CASP1: variants seen among roughly 807,000 people sequenced by gnomAD.
CASP1 encodes caspase 1, also known as caspase-1.
CASP1 carries 31 observed loss-of-function variants against 41.2 expected under a neutral mutation model. The observed-to-expected ratio is 0.75, with a 90% confidence interval of 0.57 to 1.02. The LOEUF (loss-of-function observed/expected upper bound fraction) is 1.02. Ranked by LOEUF, CASP1 falls within the 50% of genes least tolerant of loss-of-function variation. The pLI, the probability that CASP1 is intolerant of heterozygous loss-of-function variation, is 0.00. For synonymous variants in CASP1, 163 were observed against 166.5 expected (o/e 0.98, Z 0.16); for missense variants, 490 against 495.7 (o/e 0.99, Z 0.11).
At chr11:105,033,969 G>A in intron 2 of CASP1, 3 of 795,118 alleles carry the variant, frequency 3.8e-6, no homozygotes, top group Non-Finnish European at 6.7e-6. Context: ...CTTCAGTAAA[G>A]GAGCTACCAC....
rs185109840 is a variant in CASP1 at position 105,033,838 on chromosome 11, C to T, written c.274+370G>A. 1.1e-3 allele frequency: 615 copies of T among 556,920 alleles called. 4 individuals carry two copies. The highest frequency in any genetic ancestry group is 1.4e-3 in the Non-Finnish European group (407 of 294,272). 34.5% of individuals were successfully genotyped at this position (556,920 alleles called of 1,614,324 possible). A position where few individuals can be genotyped will look rare whatever the true frequency, so the allele number is the denominator to read the frequency against. On this transcript the variant is annotated intron_variant, in intron 2 of 8. Coordinates refer to ENST00000533400, the MANE Select transcript of CASP1 (RefSeq NM_001257118.3). ...AACCTTAAAGCTTCATGTGACTTTA[C>T]AACTACATAAGTGCCTACAGACCCC...
In CASP1 at chr11:105,029,317, G is replaced by A. The variant is rs1354587319; in HGVS notation, c.863-50C>T. Reference sequence around the variant, plus strand: ...TACTACTACCAATGGCTGAGAAGATGTTTTCCTCCTAGCCTCTGTTCAATG... The same window carrying A: ...TACTACTACCAATGGCTGAGAAGATATTTTCCTCCTAGCCTCTGTTCAATG... On this transcript the variant is annotated intron_variant, in intron 6 of 8. Transcript: ENST00000533400. 3.9e-6 allele frequency: 6 copies of A among 1,526,434 alleles called. No homozygotes were observed. The African/African-American group carries it at 4.1e-5, about 11-fold the overall frequency. 94.6% of individuals were successfully genotyped at this position (1,526,434 alleles called of 1,614,324 possible). A position where few individuals can be genotyped will look rare whatever the true frequency, so the allele number is the denominator to read the frequency against.
chr11:105,028,074 C>T (rs1351119574), intron 7 of CASP1, among the ~76,000 whole-genome samples: 2 of 151,974 alleles, frequency 1.3e-5, no homozygotes, highest in Non-Finnish European at 2.9e-5. Context: ...AGGATACTAA[C>T]GAACAGTTCT....
At chr11:105,028,065 G>C (rs484626) in intron 7 of CASP1, among the ~76,000 whole-genome samples, 14,420 of 152,074 alleles carry the variant, frequency 0.095, 979 homozygotes, top group Admixed American at 0.21. Context: ...TGGGATCAAA[G>C]GATACTAACG....
At chr11:105,028,425 T>C (rs554144595) in intron 7 of CASP1, among the ~76,000 whole-genome samples, 1 of 152,258 alleles carries the variant, frequency 6.6e-6, no homozygotes, top group African/African-American at 2.4e-5. Flanking sequence ...TTATCAAATA[T>C]ATACATTTTA....
intron 3 of CASP1, 105 bp downstream of exon 3, chr11:105,032,959 T>A (rs1863786824): frequency 1.4e-6 from 1 of 703,826 alleles, no homozygotes. Context: ...ATATGACCAA[T>A]CTATGAGAAT....
chr11:105,030,600 A>G, intron 4 of CASP1, 97 bp from the exon 5 acceptor site: 1 of 1,019,948 alleles, frequency 9.8e-7, no homozygotes, highest in South Asian at 1.5e-5. Flanking sequence ...AGTCCTATCA[A>G]GATACCAAAC....
At chr11:105,029,363 T>C in intron 6 of CASP1, 96 bp from the exon 7 acceptor site, 1 of 1,035,968 alleles carries the variant, frequency 9.7e-7, no homozygotes, top group Non-Finnish European at 1.4e-6. Flanking sequence ...ATGTGTTTGC[T>C]CTATCATTAA....
rs545894907 is a variant in CASP1, at chr11:105,034,769, C to T, written c.8-295G>A. On this transcript the variant is annotated intron_variant, in intron 1 of 8. Transcript: ENST00000533400. ...AACTCTGGTTAATAAAGTAATGAAG[C>T]AGAAATAGCCCATTTCATTTAGGAA... The T allele has an allele frequency of 3.8e-5, 23 of 602,124 alleles. No homozygotes were observed. The African/African-American group carries it at 4.3e-4, about 11-fold the overall frequency. The allele number at this position is 602,124 out of a possible 1,614,324, so 37.3% of individuals were successfully genotyped here. A position where few individuals can be genotyped will look rare whatever the true frequency, so the allele number is the denominator to read the frequency against.
At chr11:105,034,064 C>A in intron 2 of CASP1, 144 bp downstream of exon 2, 5 of 1,328,370 alleles carry the variant, frequency 3.8e-6, no homozygotes, top group South Asian at 1.2e-5. Context: ...AAGGGACATG[C>A]AATAGGGACC....
At chr11:105,030,185 A>C in intron 5 of CASP1, 145 bp downstream of exon 5, 1 of 702,850 alleles carries the variant, frequency 1.4e-6, no homozygotes. Context: ...ACAAAGGACC[A>C]TGTAGTATCC....
intron 5 of CASP1, among the ~76,000 whole-genome samples, 171 bp downstream of exon 5, chr11:105,030,159 G>A (rs570764073): frequency 6.6e-6 from 1 of 152,204 alleles, no homozygotes; most frequent in South Asian, 2.1e-4. Flanking sequence ...GGCTTGTGCT[G>A]CATGACTCTT....
At position 105,026,312 on chromosome 11, in the gene CASP1, G is replaced by A. The variant is rs1312677388; in HGVS notation, c.1161C>T (p.Pro387=). ...FEQPDGRAQM[P]TTERVTLTRC... is the part of the protein sequence containing the mutation. ...TTGTCAAAGTCACTCTTTCAGTGGT[G>A]GGCATCTGCGCTCTACCATCTGGCT... The change falls in exon 9 of 9, where the codon CCC becomes CCT. Residue 387 remains proline (P), a synonymous_variant. Transcript: ENST00000533400. The A allele has an allele frequency of 2.5e-6, 4 of 1,611,942 alleles. No homozygotes were observed. The highest frequency in any genetic ancestry group is 3.4e-6 in the Non-Finnish European group (4 of 1,178,596).
rs757847831 is a variant in CASP1 at position 105,034,296 on chromosome 11, A to G, written c.186T>C (p.Ile62=). The stretch of plus-strand genomic sequence containing the variant: ...TTTGGCATGCCTGTGCCCCTTTCGG[A>G]ATAACGGAGTCAATCAAAGCTCGGG... The part of the protein sequence containing the change: ...DKTRALIDSV[I]PKGAQACQIC... Residue 62 remains isoleucine (I), a synonymous_variant, in exon 2 of 9, where the codon ATT becomes ATC. Transcript: ENST00000533400. The G allele has an allele frequency of 2.2e-5, 35 of 1,614,124 alleles. No homozygotes were observed. The South Asian group carries it at 3.7e-4, about 17-fold the overall frequency.
intron 7 of CASP1, among the ~76,000 whole-genome samples, chr11:105,028,155 T>C (rs1437080975): frequency 1.3e-5 from 2 of 152,144 alleles, no homozygotes; most frequent in Non-Finnish European, 2.9e-5. Flanking sequence ...TGTCATTGTT[T>C]CTGATCATTG....
At chr11:105,033,225 CACTGACTG>C in intron 2 of CASP1, 99 bp from the exon 3 acceptor site, 2 of 649,130 alleles carry the variant, frequency 3.1e-6, no homozygotes. Context: ...TCTCCCATAA[CACTGACTG>C]ACTGACTGAC....
At position 105,026,955 on chromosome 11, in the gene CASP1, T is replaced by TGGATAA. The variant is rs1863340722; in HGVS notation, c.1007-10_1007-5dup. On this transcript the variant is annotated splice_region_variant and splice_polypyrimidine_tract_variant and intron_variant, in intron 7 of 8. Transcript: ENST00000533400. ...GGATGTCTCCAAGAAACATTATCTA[T>TGGATAA]GGATAAAGCACATTTCAAATCTCAA... The TGGATAA allele has an allele frequency of 6.8e-7, 1 of 1,477,684 alleles. No homozygotes were observed. The highest frequency in any genetic ancestry group is 9.5e-7 in the Non-Finnish European group (1 of 1,055,820). The allele number at this position is 1,477,684 out of a possible 1,614,324, so 91.5% of individuals were successfully genotyped here. A position where few individuals can be genotyped will look rare whatever the true frequency, so the allele number is the denominator to read the frequency against.
intron 2 of CASP1, among the ~76,000 whole-genome samples, chr11:105,033,732 G>T (rs1863838907): frequency 1.3e-5 from 2 of 152,194 alleles, no homozygotes; most frequent in Admixed American, 1.3e-4. Flanking sequence ...TTCTCTGAGT[G>T]TATCGCCATC....
intron 2 of CASP1, 151 bp downstream of exon 2, chr11:105,034,057 G>T: frequency 8.1e-7 from 1 of 1,238,120 alleles, no homozygotes; most frequent in Non-Finnish European, 1.2e-6. Context: ...GAGAGTCAAG[G>T]GACATGCAAT....
Sources: gnomAD v4.1 joint callset for allele counts (sites outside exome capture counted in the v4.1 genomes callset) on GRCh38, gnomAD v4.1.1 for gene constraint, MANE v1.5 for transcripts, NCBI Gene and HGNC (gene_info 2026-07-23, HGNC 2026-07-21) for gene names.